C1GALT1: variants seen among roughly 807,000 people sequenced by gnomAD.
C1GALT1 encodes glycoprotein-N-acetylgalactosamine 3-beta-galactosyltransferase 1.
Under a neutral mutation model 31.0 loss-of-function variants are expected in C1GALT1, and 11 were observed. That is an observed-to-expected ratio of 0.36 (90% CI 0.22 to 0.59). C1GALT1 has a LOEUF of 0.59. Ranked by LOEUF, C1GALT1 falls within the 20% of genes least tolerant of loss-of-function variation. The probability of loss-of-function intolerance (pLI) is 0.79; values close to 1 mark genes in which losing one functional copy is unlikely to be tolerated. For missense variants in C1GALT1, 424 were observed against 425.2 expected, an observed-to-expected ratio of 1.00 and a Z score of 0.03; for synonymous variants, 175 against 143.6, an observed-to-expected ratio of 1.22 and a Z score of -1.56.
In C1GALT1 at chr7:7,247,201, A is replaced by G. The variant is rs569704961; in HGVS notation, c.*3474A>G. Reference sequence around the variant, plus strand: ...AAAGCAAAAGAAAAATAAAAAAGCAATTCTCCAAGTACTTCATAGAGCACA... The same window carrying G: ...AAAGCAAAAGAAAAATAAAAAAGCAGTTCTCCAAGTACTTCATAGAGCACA... On this transcript the variant is annotated 3_prime_UTR_variant, in exon 4 of 4. Coordinates refer to ENST00000436587, the MANE Select transcript of C1GALT1 (RefSeq NM_020156.5). 6.6e-6 allele frequency: 1 copy of G among 152,200 alleles called. No individual in the cohort carries two copies. Among genetic ancestry groups the G allele is most frequent in the Non-Finnish European group, 1.5e-5 (1 of 68,010 alleles). The allele number at this position is 152,200 out of a possible 1,614,324, so 9.4% of individuals were successfully genotyped here. A position where few individuals can be genotyped will look rare whatever the true frequency, so the allele number is the denominator to read the frequency against.
intron 2 of C1GALT1, among the ~76,000 whole-genome samples, chr7:7,237,329 T>C (rs961809353): frequency 2.6e-5 from 4 of 152,214 alleles, no homozygotes; most frequent in African/African-American, 7.2e-5. Flanking sequence ...GTCAGCTGTT[T>C]GTCTGCACAA....
chr7:7,172,602 G>T (rs377377965), intron 2 of C1GALT1, among the ~76,000 whole-genome samples: 2 of 151,942 alleles, frequency 1.3e-5, no homozygotes. Flanking sequence ...TGATGATGAC[G>T]CACAGGTCCC....
At chr7:7,158,864 T>C (rs1054098371) in intron 2 of C1GALT1, among the ~76,000 whole-genome samples, 9 of 152,124 alleles carry the variant, frequency 5.9e-5, no homozygotes, top group Admixed American at 3.9e-4. Context: ...AGACGGCCTA[T>C]TGATTTTCTT....
intron 1 of C1GALT1, among the ~76,000 whole-genome samples, chr7:7,203,976 C>G (rs1781623596): frequency 6.6e-6 from 1 of 151,992 alleles, no homozygotes; most frequent in Non-Finnish European, 1.5e-5. Flanking sequence ...GCCTCCCTTC[C>G]CCTTCTTGGT....
At chr7:7,169,431 A>C (rs13241122) in intron 2 of C1GALT1, among the ~76,000 whole-genome samples, 1 of 151,982 alleles carries the variant, frequency 6.6e-6, no homozygotes, top group Non-Finnish European at 1.5e-5. Flanking sequence ...AAAAACTGCC[A>C]TGCTGGTTTC....
chr7:7,201,232 C>G (rs1035432794), intron 1 of C1GALT1, among the ~76,000 whole-genome samples: 3 of 152,244 alleles, frequency 2.0e-5, no homozygotes, highest in African/African-American at 4.8e-5. Flanking sequence ...CAGTCAGGAC[C>G]CTCAGCCGCA....
At chr7:7,171,064 T>G (rs1780448622) in intron 2 of C1GALT1, among the ~76,000 whole-genome samples, 1 of 151,642 alleles carries the variant, frequency 6.6e-6, no homozygotes. Flanking sequence ...CATGTGCCCT[T>G]GAGAAAAATA....
intron 1 of C1GALT1, among the ~76,000 whole-genome samples, chr7:7,224,537 T>G (rs1005077460): frequency 1.1e-4 from 17 of 152,194 alleles, no homozygotes; most frequent in Admixed American, 9.8e-4. Context: ...GCTGTTCAAA[T>G]AATCTATTTC....
chr7:7,226,915 AGTGT>A lies in C1GALT1; in HGVS notation c.-17-7381_-17-7378del, dbSNP rs200462822. Among the ~76,000 whole-genome samples the A allele has an allele frequency of 4.1e-3, 622 of 152,182 alleles. 5 individuals carry two copies. The highest frequency in any genetic ancestry group is 0.014 in the African/African-American group (572 of 41,508). Reference sequence around the variant, plus strand: ...AACAAAAATTGGTTGTGGCAGAGGGAGTGTGTGTGTATGTATATGTGTATATATA... The same window carrying A: ...AACAAAAATTGGTTGTGGCAGAGGGAGTGTGTATGTATATGTGTATATATA... On this transcript the variant is annotated intron_variant, in intron 1 of 3. Transcript: ENST00000436587.
intron 1 of C1GALT1, among the ~76,000 whole-genome samples, chr7:7,196,023 T>C (rs1374723438): frequency 6.8e-6 from 1 of 146,342 alleles, no homozygotes; most frequent in Non-Finnish European, 1.5e-5. Context: ...GCTTGGAATA[T>C]CTTTTGTTGT....
chr7:7,176,937 C>A (rs929767318), intron 2 of C1GALT1, among the ~76,000 whole-genome samples: 5 of 152,162 alleles, frequency 3.3e-5, no homozygotes, highest in Non-Finnish European at 5.9e-5. Flanking sequence ...TCTTTGTTTC[C>A]TGGTGTCCAT....
intron 2 of C1GALT1, among the ~76,000 whole-genome samples, chr7:7,158,674 C>T (rs892850787): frequency 4.6e-5 from 7 of 151,034 alleles, no homozygotes; most frequent in Non-Finnish European, 1.0e-4. Flanking sequence ...TGTATATATA[C>T]ATATATATTT....
At chr7:7,206,244 C>T (rs931549315) in intron 1 of C1GALT1, among the ~76,000 whole-genome samples, 7 of 151,922 alleles carry the variant, frequency 4.6e-5, no homozygotes, top group African/African-American at 1.7e-4. Flanking sequence ...TCCAAAGTTA[C>T]AATAATACTA....
intron 1 of C1GALT1, among the ~76,000 whole-genome samples, chr7:7,192,436 C>T (rs1781114639): frequency 6.6e-6 from 1 of 152,114 alleles, no homozygotes; most frequent in South Asian, 2.1e-4. Context: ...ATAATGGTCT[C>T]CACCTCCATC....
chr7:7,195,632 G>C (rs1285163338), intron 1 of C1GALT1, among the ~76,000 whole-genome samples: 1 of 150,070 alleles, frequency 6.7e-6, no homozygotes, highest in Non-Finnish European at 1.5e-5. Context: ...CTGATGAATA[G>C]AATGTATATT....
chr7:7,199,028 C>G (rs1781421853), intron 1 of C1GALT1, among the ~76,000 whole-genome samples: 1 of 152,160 alleles, frequency 6.6e-6, no homozygotes, highest in African/African-American at 2.4e-5. Context: ...TTTTGTGTCT[C>G]TATCTCCTTC....
chr7:7,175,606 T>C (rs1012515912), intron 2 of C1GALT1, among the ~76,000 whole-genome samples: 3 of 152,236 alleles, frequency 2.0e-5, no homozygotes, highest in Admixed American at 2.0e-4. Flanking sequence ...CAGCTTTTTC[T>C]GCCCTAGGTT....
At chr7:7,225,469 G>A (rs939146972) in intron 1 of C1GALT1, among the ~76,000 whole-genome samples, 3 of 152,114 alleles carry the variant, frequency 2.0e-5, no homozygotes, top group African/African-American at 7.2e-5. Context: ...CTTATAACCA[G>A]GAACTGGAAG....
chr7:7,215,037 C>T (rs1261036694), intron 1 of C1GALT1, among the ~76,000 whole-genome samples: 3 of 152,194 alleles, frequency 2.0e-5, no homozygotes, highest in African/African-American at 4.8e-5. Context: ...GTGGCCCTCA[C>T]CCAGGAACTG....
Sources: gnomAD v4.1 joint callset for allele counts (sites outside exome capture counted in the v4.1 genomes callset) on GRCh38, gnomAD v4.1.1 for gene constraint, MANE v1.5 for transcripts, NCBI Gene and HGNC (gene_info 2026-07-23, HGNC 2026-07-21) for gene names.